Variants in CD80 observed in about 807,000 individuals in gnomAD.
CD80 encodes CD80 molecule.
Under a neutral mutation model 27.1 loss-of-function variants are expected in CD80, and 13 were observed. The observed-to-expected ratio is 0.48, with a 90% confidence interval of 0.31 to 0.76. The LOEUF is 0.76. Among genes scored for constraint, CD80 ranks in the 30% least tolerant of loss-of-function variants. The pLI, the probability that CD80 is intolerant of heterozygous loss-of-function variation, is 0.04. For synonymous variants in CD80, 125 were observed against 125.5 expected, an observed-to-expected ratio of 1.00 and a Z score of 0.03; for missense variants, 277 against 347.9, an observed-to-expected ratio of 0.80 and a Z score of 1.62.
intron 3 of CD80, among the ~76,000 whole-genome samples, chr3:119,541,492 A>G (rs1314603841): frequency 6.6e-6 from 1 of 152,196 alleles, no homozygotes; most frequent in Non-Finnish European, 1.5e-5. Flanking sequence ...TTGTGCCCCA[A>G]ATAAACCCTT....
intron 2 of CD80, among the ~76,000 whole-genome samples, chr3:119,556,279 C>A (rs1263312543): frequency 6.6e-6 from 1 of 152,142 alleles, no homozygotes; most frequent in African/African-American, 2.4e-5. Flanking sequence ...TTTCCTTGTA[C>A]AATTTCTAAA....
Position 119,544,712 on chromosome 3 carries a change from C to A in CD80, c.256G>T (p.Glu86Ter). 1 of 1,614,202 alleles carries A rather than the reference C, an allele frequency of 6.2e-7. No individual in the cohort carries two copies. The highest frequency in any genetic ancestry group is 8.5e-7 in the Non-Finnish European group (1 of 1,180,040). ...MMSGDMNIWP[E>*]YKNRTIFDIT... ...TCAAAGATGGTCCGGTTCTTGTACT[C>A]GGGCCATATATTCATGTCCCCAGAC... The change falls in exon 3 of 7, where the codon GAG becomes TAG. Residue 86 changes from glutamate to a stop codon, truncating the protein, a stop_gained. Transcript: ENST00000264246. LOFTEE classifies it high-confidence loss of function.
intron 2 of CD80, among the ~76,000 whole-genome samples, chr3:119,556,936 G>A (rs1433789312): frequency 6.6e-6 from 1 of 152,058 alleles, no homozygotes; most frequent in South Asian, 2.1e-4. Context: ...AAGATCACCT[G>A]AGCAGGAACA....
chr3:119,544,707 G>A lies in CD80; in HGVS notation c.261C>T (p.Tyr87=), dbSNP rs776993724. The change falls in exon 3 of 7, where the codon TAC becomes TAT. Residue 87 remains tyrosine (Y), a synonymous_variant. Transcript: ENST00000264246. ...TGATATCAAAGATGGTCCGGTTCTTGTACTCGGGCCATATATTCATGTCCC... is the reference window on the plus strand; with the variant it reads ...TGATATCAAAGATGGTCCGGTTCTTATACTCGGGCCATATATTCATGTCCC... ...MSGDMNIWPE[Y]KNRTIFDITN... is the part of the protein sequence containing the mutation. 1 of 1,614,150 alleles carries A rather than the reference G, an allele frequency of 6.2e-7. No homozygotes were observed. The highest frequency in any genetic ancestry group is 1.7e-5 in the Admixed American group (1 of 60,020).
chr3:119,540,399 T>C (rs1015099212), intron 3 of CD80, among the ~76,000 whole-genome samples: 6 of 152,272 alleles, frequency 3.9e-5, no homozygotes, highest in Admixed American at 3.3e-4. Flanking sequence ...ATGATGATAA[T>C]TGCCAGGAAA....
intron 3 of CD80, among the ~76,000 whole-genome samples, chr3:119,541,850 G>C (rs2082170753): frequency 6.6e-6 from 1 of 152,026 alleles, no homozygotes; most frequent in African/African-American, 2.4e-5. Flanking sequence ...ATCTCACATT[G>C]TCCCCTTAGC....
chr3:119,528,624 A>C (rs950457841), intron 5 of CD80, among the ~76,000 whole-genome samples: 2 of 152,128 alleles, frequency 1.3e-5, no homozygotes, highest in African/African-American at 2.4e-5. Context: ...CCAGACACCT[A>C]TGTGTGTGGC....
intron 2 of CD80, 46 bp from the exon 3 acceptor site, chr3:119,544,913 G>T (rs750432224): frequency 9.8e-5 from 147 of 1,494,788 alleles, no homozygotes; most frequent in Non-Finnish European, 1.3e-4. Context: ...ATTAAATACA[G>T]ATTCCTGCAT....
chr3:119,552,175 A>T (rs949577137), intron 2 of CD80, among the ~76,000 whole-genome samples: 1 of 152,194 alleles, frequency 6.6e-6, no homozygotes, highest in Non-Finnish European at 1.5e-5. Context: ...AAGAGTAGAG[A>T]CCAAGAATTT....
rs1024673206 is a variant in CD80, at chr3:119,557,876, G to T, written c.-148C>A. ...TCCAGTGATGTTTACAAAACACACAGAGATTGGAGGGTGTTCCTGGGTCTC... is the reference window on the plus strand; with the variant it reads ...TCCAGTGATGTTTACAAAACACACATAGATTGGAGGGTGTTCCTGGGTCTC... On this transcript the variant is annotated 5_prime_UTR_variant, in exon 2 of 7. The change creates a new upstream start codon in the 5' untranslated region. Transcript: ENST00000264246. 8.7e-5 allele frequency: 39 copies of T among 449,994 alleles called. No individual in the cohort carries two copies. The highest frequency in any genetic ancestry group is 1.4e-4 in the Non-Finnish European group (36 of 250,996). 27.9% of individuals were successfully genotyped at this position (449,994 alleles called of 1,614,324 possible).
rs2082076312 is a variant in CD80, at chr3:119,527,776, C to G, written c.862G>C (p.Val288Leu). The G allele has an allele frequency of 6.2e-7, 1 of 1,613,604 alleles. No individual in the cohort carries two copies. The highest frequency in any genetic ancestry group is 8.5e-7 in the Non-Finnish European group (1 of 1,179,534). Residue 288 changes from valine (V) to leucine (L), a missense_variant, in exon 6 of 7, where the codon GTA becomes CTA. Coordinates refer to ENST00000264246, the MANE Select transcript of CD80 (RefSeq NM_005191.4). The part of the protein sequence containing the change: ...ERLRRESVRP[V>L] ...CCTTGCTTCTGCGGACACTGTTATACAGGGCGTACACTTTCCCTTCTCAAT... is the reference window on the plus strand; with the variant it reads ...CCTTGCTTCTGCGGACACTGTTATAGAGGGCGTACACTTTCCCTTCTCAAT...
intron 6 of CD80, 184 bp downstream of exon 6, chr3:119,527,549 C>A (rs1303301500): frequency 1.0e-5 from 5 of 498,814 alleles, no homozygotes; most frequent in Admixed American, 7.0e-5. Context: ...GAAGAGGTTA[C>A]ATTAAGCAAA....
At chr3:119,558,945 A>G (rs2082278478) in intron 1 of CD80, among the ~76,000 whole-genome samples, 1 of 152,108 alleles carries the variant, frequency 6.6e-6, no homozygotes, top group Non-Finnish European at 1.5e-5. Context: ...TCCTCTTTGG[A>G]GACCACCCTA....
chr3:119,528,076 G>C (rs2082088704), intron 5 of CD80, among the ~76,000 whole-genome samples: 1 of 152,090 alleles, frequency 6.6e-6, no homozygotes, highest in African/African-American at 2.4e-5. Flanking sequence ...GGCATGTAGT[G>C]AGTAGAGGCT....
At chr3:119,539,739 C>T (rs2082157581) in intron 3 of CD80, among the ~76,000 whole-genome samples, 1 of 152,194 alleles carries the variant, frequency 6.6e-6, no homozygotes, top group Non-Finnish European at 1.5e-5. Context: ...GGGATTCAAT[C>T]TCCTCATAGA....
intron 2 of CD80, among the ~76,000 whole-genome samples, chr3:119,547,474 T>C (rs963387655): frequency 5.3e-5 from 8 of 152,226 alleles, no homozygotes; most frequent in Admixed American, 5.2e-4. Flanking sequence ...ACAAAACACA[T>C]CTCATTCTTC....
intron 2 of CD80, among the ~76,000 whole-genome samples, chr3:119,555,324 G>A (rs1490137409): frequency 1.3e-5 from 2 of 151,972 alleles, no homozygotes; most frequent in Non-Finnish European, 2.9e-5. Flanking sequence ...TATGGATTTG[G>A]GCAAATTTAT....
intron 3 of CD80, among the ~76,000 whole-genome samples, chr3:119,540,382 A>G (rs541344069): frequency 6.6e-6 from 1 of 152,360 alleles, no homozygotes; most frequent in African/African-American, 2.4e-5. Context: ...AAGGGAAGCC[A>G]TGACAAATGA....
chr3:119,531,713 G>GA (rs1297992333), intron 4 of CD80, among the ~76,000 whole-genome samples: 3 of 152,070 alleles, frequency 2.0e-5, no homozygotes, highest in Non-Finnish European at 4.4e-5. Context: ...GGCCAGGCTG[G>GA]AGTGCAGTGA....
Sources: gnomAD v4.1 joint callset for allele counts (sites outside exome capture counted in the v4.1 genomes callset) on GRCh38, gnomAD v4.1.1 for gene constraint, MANE v1.5 for transcripts, NCBI Gene and HGNC (gene_info 2026-07-23, HGNC 2026-07-21) for gene names.